MBOAT7: variants seen among roughly 807,000 people sequenced by gnomAD.
MBOAT7 encodes the protein membrane bound acylglycerophosphatidylinositol O-acyltransferase MBOAT7, also known as membrane-bound acylglycerophosphatidylinositol O-acyltransferase MBOAT7.
MBOAT7 carries 40 observed loss-of-function variants against 47.4 expected under a neutral mutation model. The observed-to-expected ratio is 0.84, with a 90% CI of 0.66 to 1.10. The LOEUF (loss-of-function observed/expected upper bound fraction) is 1.10, where lower values mean the gene tolerates loss of function less well. MBOAT7 is among the 50% of genes least tolerant of loss of function. MBOAT7 has a pLI of 0.00. For synonymous variants in MBOAT7, 361 were observed against 292.0 expected (o/e 1.24, Z -2.41); for missense variants, 680 against 655.6 (o/e 1.04, Z -0.41).
In MBOAT7 at chr19:54,180,835, G is replaced by T; in HGVS notation, c.792C>A (p.Tyr264Ter). ...CGGCCCGGGCTTTGGCGGCCACGGG[G>T]TAGGCCCCAAAGCCGGCGGCAATGC... is the stretch of plus-strand genomic sequence containing the variant. ...CGCIAAGFGA[Y>*]PVAAKARAGG... The change falls in exon 6 of 8, where the codon TAC (tyrosine) becomes TAA (stop). Residue 264 changes from tyrosine to a stop codon, truncating the protein, a stop_gained. Coordinates refer to ENST00000245615, the MANE Select transcript of MBOAT7 (RefSeq NM_024298.5). LOFTEE classifies it high-confidence loss of function. This position sits in a 1 kb window ranked among gnomAD's most constrained non-coding sequence, Gnocchi z 5.2. 6.3e-7 allele frequency: 1 copy of T among 1,575,634 alleles called. No individual in the cohort carries two copies. The highest frequency in any genetic ancestry group is 8.6e-7 in the Non-Finnish European group (1 of 1,164,228).
chr19:54,185,862 A>G (rs1157236538), intron 4 of MBOAT7, among the ~76,000 whole-genome samples: 2 of 150,742 alleles, frequency 1.3e-5, no homozygotes, highest in Admixed American at 6.6e-5. Context: ...CACCCGGCTC[A>G]TTTTTGTATT....
chr19:54,188,487 A>G lies in MBOAT7; in HGVS notation c.22T>C (p.Tyr8His). 1 of 1,553,990 alleles carries G rather than the reference A, an allele frequency of 6.4e-7. No individual in the cohort carries two copies. Among genetic ancestry groups the G allele is most frequent in the Non-Finnish European group, 8.7e-7 (1 of 1,147,992 alleles). ...ATGGAGATAAGAAGAACCACTAGAT[A>G]CGTCCATTCTTCAGGCGACATGGTC... MSPEEWT[Y>H]LVVLLISIPI... The change falls in exon 2 of 8, where the codon TAT becomes CAT. Residue 8 changes from tyrosine to histidine, a missense_variant. By Grantham distance (83) the Tyr-to-His change is moderately conservative. Coordinates refer to ENST00000245615, the MANE Select transcript of MBOAT7 (RefSeq NM_024298.5).
rs778222810 is a variant in MBOAT7, at chr19:54,183,671, G to T, written c.343C>A (p.Leu115Met). 1 of 1,568,930 alleles carries T rather than the reference G, an allele frequency of 6.4e-7. No individual in the cohort carries two copies. The highest frequency in any genetic ancestry group is 2.4e-5 in the East Asian group (1 of 42,188). Residue 115 changes from leucine (L) to methionine (M), a missense_variant, in exon 5 of 8, where the codon CTG becomes ATG. Coordinates refer to ENST00000245615, the MANE Select transcript of MBOAT7 (RefSeq NM_024298.5). ...QLLLTLKLVS[L>M]ASEVQDLHLA... is the part of the protein sequence containing the mutation. ...TGCAGGTCCTGGACTTCACTGGCCAGGCTCACCAGCTGGGCAGAAGGGGGT... is the reference window on the plus strand; with the variant it reads ...TGCAGGTCCTGGACTTCACTGGCCATGCTCACCAGCTGGGCAGAAGGGGGT...
rs1332066968 is a variant in MBOAT7, at chr19:54,187,125, G to A, written c.333+36C>T. The A allele has an allele frequency of 2.0e-6, 3 of 1,534,584 alleles. No individual in the cohort carries two copies. The South Asian group carries it at 3.6e-5, about 18-fold the overall frequency. On this transcript the variant is annotated intron_variant, in intron 4 of 7. Transcript: ENST00000245615. ...AAGTGGGAGGTGAAGGGGCCCACAGGGAGGCTGGAGGGGAGTGGCAAGCCC... is the reference window on the plus strand; with the variant it reads ...AAGTGGGAGGTGAAGGGGCCCACAGAGAGGCTGGAGGGGAGTGGCAAGCCC...
rs1249156039 is a variant in MBOAT7 at position 54,180,611 on chromosome 19, G to C, written c.854+162C>G. 4.2e-5 allele frequency: 28 copies of C among 659,602 alleles called. No individual in the cohort carries two copies. The East Asian group carries it at 8.2e-4, about 19-fold the overall frequency. 40.9% of individuals were successfully genotyped at this position (659,602 alleles called of 1,614,324 possible). On this transcript the variant is annotated intron_variant, in intron 6 of 7. Coordinates refer to ENST00000245615, the MANE Select transcript of MBOAT7 (RefSeq NM_024298.5). The surrounding 1 kb of genome is among the most constrained non-coding windows in gnomAD (Gnocchi z 5.2). ...CAGTACCAGGGATCTTTTCCCTACC[G>C]ACAGGGGCTGGCAGGCCATGGTTGC...
In MBOAT7 at chr19:54,180,889, G is replaced by A. The variant is rs1025895867; in HGVS notation, c.738C>T (p.Tyr246=). 10 of 1,596,062 alleles carry A rather than the reference G, an allele frequency of 6.3e-6. No individual in the cohort carries two copies. The highest frequency in any genetic ancestry group is 4.0e-5 in the African/African-American group (3 of 74,870). The change falls in exon 6 of 8, where the codon TAC becomes TAT. Residue 246 remains tyrosine, a synonymous_variant. Transcript: ENST00000245615. This position sits in a 1 kb window ranked among gnomAD's most constrained non-coding sequence, Gnocchi z 5.2. ...CGCACTCGGCGGCAATCCAGGCCACGTAGAAGCGCATGCGGAAGGCGAAGA... is the reference window on the plus strand; with the variant it reads ...CGCACTCGGCGGCAATCCAGGCCACATAGAAGCGCATGCGGAAGGCGAAGA... ...PVFFAFRMRF[Y]VAWIAAECGC...
In MBOAT7 at chr19:54,173,896, T is replaced by G; in HGVS notation, c.*148A>C. 3 of 984,056 alleles carry G rather than the reference T, an allele frequency of 3.0e-6. No homozygotes were observed. The highest frequency in any genetic ancestry group is 4.3e-6 in the Non-Finnish European group (3 of 695,756). 61.0% of individuals were successfully genotyped at this position (984,056 alleles called of 1,614,324 possible). On this transcript the variant is annotated 3_prime_UTR_variant, in exon 8 of 8. Transcript: ENST00000245615. ...AGGGCAGGGAGGACACCCCCGGGTC[T>G]GCTTCAGTTGCAGGCAGGGTATTTA... is the stretch of plus-strand genomic sequence containing the variant.
intron 1 of MBOAT7, among the ~76,000 whole-genome samples, chr19:54,188,716 C>A (rs1477401938): frequency 2.0e-5 from 3 of 152,130 alleles, no homozygotes. Flanking sequence ...CCACCCCCAG[C>A]CCCTCCTTTG....
rs754032811 is a variant in MBOAT7, at chr19:54,180,874, G to A, written c.753C>T (p.Ala251=). ...FRMRFYVAWI[A]AECGCIAAGF... ...CGGCGGCAATGCAGCCGCACTCGGC[G>A]GCAATCCAGGCCACGTAGAAGCGCA... The change falls in exon 6 of 8, where the codon GCC becomes GCT. Residue 251 remains alanine, a synonymous_variant. Coordinates refer to ENST00000245615, the MANE Select transcript of MBOAT7 (RefSeq NM_024298.5). This position sits in a 1 kb window ranked among gnomAD's most constrained non-coding sequence, Gnocchi z 5.2. 85 of 1,591,640 alleles carry A rather than the reference G, an allele frequency of 5.3e-5. No homozygotes were observed. Among genetic ancestry groups the A allele is most frequent in the Non-Finnish European group, 6.7e-5 (79 of 1,171,452 alleles).
intron 7 of MBOAT7, among the ~76,000 whole-genome samples, chr19:54,175,712 G>A (rs901885680): frequency 2.6e-5 from 4 of 152,122 alleles, no homozygotes; most frequent in Non-Finnish European, 5.9e-5. Flanking sequence ...ACCAAACTCA[G>A]CTAATTTCTG....
At position 54,181,144 on chromosome 19, in the gene MBOAT7, G is replaced by T; in HGVS notation, c.494-11C>A. The T allele has an allele frequency of 1.4e-6, 2 of 1,459,162 alleles. No individual in the cohort carries two copies. 90.4% of individuals were successfully genotyped at this position (1,459,162 alleles called of 1,614,324 possible). A position where few individuals can be genotyped will look rare whatever the true frequency, so the allele number is the denominator to read the frequency against. On this transcript the variant is annotated splice_polypyrimidine_tract_variant and intron_variant, in intron 5 of 7. Transcript: ENST00000245615. ...AGCGGAAGAACGGGCCTGTGGGGCG[G>T]GGAGGGAGGGCCGCGGTCAGACAGG... is the stretch of plus-strand genomic sequence containing the variant.
At chr19:54,187,627 A>G (rs1356491939) in intron 3 of MBOAT7, among the ~76,000 whole-genome samples, 2 of 152,260 alleles carry the variant, frequency 1.3e-5, no homozygotes, top group Non-Finnish European at 2.9e-5. Context: ...AACGGTGGCC[A>G]GGCCAGCAGA....
At position 54,173,945 on chromosome 19, in the gene MBOAT7, C is replaced by T; in HGVS notation, c.*99G>A. 1.4e-6 allele frequency: 2 copies of T among 1,388,744 alleles called. No individual in the cohort carries two copies. 86.0% of individuals were successfully genotyped at this position (1,388,744 alleles called of 1,614,324 possible). ...TAGCTGGGGAAGAGGAAATTCTCTCCAGGACCCTCTCCAAGGTAAGGACTC... is the reference window on the plus strand; with the variant it reads ...TAGCTGGGGAAGAGGAAATTCTCTCTAGGACCCTCTCCAAGGTAAGGACTC... On this transcript the variant is annotated 3_prime_UTR_variant, in exon 8 of 8. Transcript: ENST00000245615.
Position 54,180,677 on chromosome 19 carries a change from C to A in MBOAT7, c.854+96G>T. On this transcript the variant is annotated intron_variant, in intron 6 of 7. Coordinates refer to ENST00000245615, the MANE Select transcript of MBOAT7 (RefSeq NM_024298.5). The surrounding 1 kb of genome is among the most constrained non-coding windows in gnomAD (Gnocchi z 5.2). ...CTGCTCAAAAAGGTGGTGGCCCTGG[C>A]CCCTTGCTCCCCGCTCTCCTCCCGG... is the stretch of plus-strand genomic sequence containing the variant. The A allele has an allele frequency of 8.3e-7, 1 of 1,207,236 alleles. No individual in the cohort carries two copies. The highest frequency in any genetic ancestry group is 1.6e-5 in the South Asian group (1 of 62,744). 74.8% of individuals were successfully genotyped at this position (1,207,236 alleles called of 1,614,324 possible).
chr19:54,182,792 G>A (rs932729623), intron 5 of MBOAT7, among the ~76,000 whole-genome samples: 2 of 151,932 alleles, frequency 1.3e-5, no homozygotes, highest in Non-Finnish European at 2.9e-5. Context: ...ACTCCGTCTC[G>A]TGGGTTCAAG....
At position 54,178,953 on chromosome 19, in the gene MBOAT7, AGGATGAGGGTGGG is replaced by A. The variant is rs2076193688; in HGVS notation, c.855-25_855-13del. 6.2e-7 allele frequency: 1 copy of A among 1,611,540 alleles called. No individual in the cohort carries two copies. Among genetic ancestry groups the A allele is most frequent in the Non-Finnish European group, 8.5e-7 (1 of 1,179,220 alleles). ...CCGCCTTCTCCGGACTGGGGGGTGG[AGGATGAGGGTGGG>A]GGACAGACATGCAGCTCAGCCAGGC... On this transcript the variant is annotated splice_polypyrimidine_tract_variant and intron_variant, in intron 6 of 7. Coordinates refer to ENST00000245615, the MANE Select transcript of MBOAT7 (RefSeq NM_024298.5).
chr19:54,187,021 A>C, intron 4 of MBOAT7, 140 bp downstream of exon 4: 1 of 1,049,694 alleles, frequency 9.5e-7, no homozygotes, highest in East Asian at 2.6e-5. Flanking sequence ...TGCTGTGCCC[A>C]GGGCAGCAAG....
At chr19:54,175,554 C>A (rs1036771883) in intron 7 of MBOAT7, among the ~76,000 whole-genome samples, 1 of 152,160 alleles carries the variant, frequency 6.6e-6, no homozygotes, top group Admixed American at 6.5e-5. Flanking sequence ...CAAGGCCCAG[C>A]ACCATCTTTC....
At chr19:54,175,127 C>T (rs555902742) in intron 7 of MBOAT7, among the ~76,000 whole-genome samples, 69 of 152,204 alleles carry the variant, frequency 4.5e-4, no homozygotes, top group Middle Eastern at 3.4e-3. Context: ...AGGCGCCTGC[C>T]ACCACGCCCG....
Sources: gnomAD v4.1 joint callset for allele counts (sites outside exome capture counted in the v4.1 genomes callset) on GRCh38, gnomAD v4.1.1 for gene constraint, Gnocchi (gnomAD v3.1) non-coding constraint, MANE v1.5 for transcripts, NCBI Gene and HGNC (gene_info 2026-07-23, HGNC 2026-07-21) for gene names.